KLHDC10: variants seen among roughly 807,000 people sequenced by gnomAD.
The protein encoded by KLHDC10 is kelch domain-containing protein 10.
A neutral mutation model predicts 56.1 loss-of-function variants in KLHDC10; 24 were observed. The ratio of observed to expected loss-of-function variants is 0.43; its 90% confidence interval spans 0.31 to 0.60. The LOEUF is 0.60. Among genes scored for constraint, KLHDC10 ranks in the 20% least tolerant of loss-of-function variants. KLHDC10 has a pLI of 0.11. For missense variants in KLHDC10, 349 were observed against 567.0 expected, an observed-to-expected ratio of 0.62 and a Z score of 3.91; for synonymous variants, 188 against 207.1, an observed-to-expected ratio of 0.91 and a Z score of 0.79.
At chr7:130,090,760 A>G (rs1313609710) in intron 1 of KLHDC10, among the ~76,000 whole-genome samples, 1 of 106,690 alleles carries the variant, frequency 9.4e-6, no homozygotes, top group Non-Finnish European at 2.0e-5. Flanking sequence ...TCAGTTTTAC[A>G]CATACTCGTG....
chr7:130,134,563 C>T lies in KLHDC10; in HGVS notation c.*3817C>T, dbSNP rs1213787529. 6.6e-6 allele frequency: 1 copy of T among 152,164 alleles called. No individual in the cohort carries two copies. Among genetic ancestry groups the T allele is most frequent in the Non-Finnish European group, 1.5e-5 (1 of 68,032 alleles). 9.4% of individuals were successfully genotyped at this position (152,164 alleles called of 1,614,324 possible). ...ATGGCTCTTCTATTTTCCAATCACACAGCTTGGCATGTAGGAAAGGTTGAA... is the reference window on the plus strand; with the variant it reads ...ATGGCTCTTCTATTTTCCAATCACATAGCTTGGCATGTAGGAAAGGTTGAA... On this transcript the variant is annotated 3_prime_UTR_variant, in exon 10 of 10. Coordinates refer to ENST00000335420, the MANE Select transcript of KLHDC10 (RefSeq NM_014997.4).
rs761820743 is a variant in KLHDC10, at chr7:130,097,014, G to A, written c.253+7G>A. 1.3e-6 allele frequency: 2 copies of A among 1,589,046 alleles called. No individual in the cohort carries two copies. Among genetic ancestry groups the A allele is most frequent in the Non-Finnish European group, 1.7e-6 (2 of 1,160,996 alleles). ...CCTAACAGGTTTTTGAGAGGTGGGT[G>A]ATAATTAGCAAGAGATCTGTGCTTC... On this transcript the variant is annotated splice_region_variant and intron_variant, in intron 2 of 9. Transcript: ENST00000335420.
In KLHDC10 at chr7:130,116,983, T is replaced by C. The variant is rs1039674154; in HGVS notation, c.475+317T>C. Reference sequence around the variant, plus strand: ...TGGGGCTTATGACGATGACAGTTAATAGCTGTTGAGCAAAGTACAGGCATA... The same window carrying C: ...TGGGGCTTATGACGATGACAGTTAACAGCTGTTGAGCAAAGTACAGGCATA... On this transcript the variant is annotated intron_variant, in intron 3 of 9. Transcript: ENST00000335420. The surrounding 1 kb of genome is among the most constrained non-coding windows in gnomAD (Gnocchi z 4.8). 2.6e-5 allele frequency among the ~76,000 whole-genome samples: 4 copies of C among 152,152 alleles called. No homozygotes were observed. The highest frequency in any genetic ancestry group is 9.7e-5 in the African/African-American group (4 of 41,446).
Position 130,116,270 on chromosome 7 carries a change from ATAAGAAGTATTAT to A in KLHDC10, c.254-172_254-160del, listed in dbSNP as rs1274059356. Among the ~76,000 whole-genome samples the A allele has an allele frequency of 6.6e-6, 1 of 152,262 alleles. No individual in the cohort carries two copies. Among genetic ancestry groups the A allele is most frequent in the East Asian group, 1.9e-4 (1 of 5,202 alleles). ...TTAAAATCTTAAGTAGTATATGTGC[ATAAGAAGTATTAT>A]TAGGAAGTATATCCATGTTATAAAT... is the stretch of plus-strand genomic sequence containing the variant. On this transcript the variant is annotated intron_variant, in intron 2 of 9. Transcript: ENST00000335420. This position sits in a 1 kb window ranked among gnomAD's most constrained non-coding sequence, Gnocchi z 4.8.
Position 130,130,671 on chromosome 7 carries a change from T to A in KLHDC10, c.1254T>A (p.Pro418=), listed in dbSNP as rs776824882. 1 of 1,614,074 alleles carries A rather than the reference T, an allele frequency of 6.2e-7. No homozygotes were observed. The highest frequency in any genetic ancestry group is 1.3e-5 in the African/African-American group (1 of 74,918). The part of the protein sequence containing the change: ...LAWEKLLAAF[P]NLANLSRTQL... ...GGGAGAAGCTGCTTGCGGCCTTCCC[T>A]AACCTTGCAAACCTCTCCCGAACAC... Residue 418 remains proline (P), a synonymous_variant, in exon 10 of 10, where the codon CCT becomes CCA. Transcript: ENST00000335420. The surrounding 1 kb of genome is among the most constrained non-coding windows in gnomAD (Gnocchi z 4.2).
intron 2 of KLHDC10, 134 bp downstream of exon 2, chr7:130,097,141 T>G: frequency 1.8e-6 from 1 of 565,662 alleles, no homozygotes. Context: ...AAGAAAAATC[T>G]AGAACTTAAT....
At chr7:130,073,114 AC>A (rs2116827494) in intron 1 of KLHDC10, among the ~76,000 whole-genome samples, 1 of 151,536 alleles carries the variant, frequency 6.6e-6, no homozygotes, top group South Asian at 2.1e-4. Context: ...CACATCTGTA[AC>A]CCCAGCACTT....
rs543587528 is a variant in KLHDC10 at position 130,130,196 on chromosome 7, T to A, written c.1120-341T>A. On this transcript the variant is annotated intron_variant, in intron 9 of 9. Coordinates refer to ENST00000335420, the MANE Select transcript of KLHDC10 (RefSeq NM_014997.4). The surrounding 1 kb of genome is among the most constrained non-coding windows in gnomAD (Gnocchi z 4.2). ...TTAGCCGGACGTGGTGGCGCGTGCC[T>A]GTATTCCCAGCTACTCTGGAGGCTG... Among the ~76,000 whole-genome samples, 32 of 151,840 alleles carry A rather than the reference T, an allele frequency of 2.1e-4. 1 individual carries two copies. In the South Asian group the frequency reaches 6.2e-3, roughly 30 times the overall value.
intron 1 of KLHDC10, among the ~76,000 whole-genome samples, chr7:130,074,619 CT>C (rs577941524): frequency 0.02 from 2,838 of 139,252 alleles, 54 homozygotes; most frequent in African/African-American, 0.049. Context: ...GGTTCTCTCT[CT>C]TTTTTTTTTT....
chr7:130,109,902 G>A (rs1215110470), intron 2 of KLHDC10, among the ~76,000 whole-genome samples: 1 of 152,152 alleles, frequency 6.6e-6, no homozygotes, highest in Non-Finnish European at 1.5e-5. Flanking sequence ...GCCTCCCATA[G>A]TGCTGGGATT....
chr7:130,124,800 A>G (rs1052824986), intron 6 of KLHDC10, among the ~76,000 whole-genome samples: 8 of 152,234 alleles, frequency 5.3e-5, no homozygotes, highest in Non-Finnish European at 8.8e-5. Context: ...ACTAAAAGGA[A>G]GGCATAGTAG....
At position 130,097,875 on chromosome 7, in the gene KLHDC10, G is replaced by GA. The variant is rs1203699660; in HGVS notation, c.253+874dup. Among the ~76,000 whole-genome samples, 6 of 151,962 alleles carry GA rather than the reference G, an allele frequency of 3.9e-5. No homozygotes were observed. The East Asian group carries it at 1.2e-3, about 29-fold the overall frequency. On this transcript the variant is annotated intron_variant, in intron 2 of 9. Coordinates refer to ENST00000335420, the MANE Select transcript of KLHDC10 (RefSeq NM_014997.4). ...TTTCTACTAATACATACTCCATACT[G>GA]AAAAAAGAAAATCTCAAAAGAGGGT... is the stretch of plus-strand genomic sequence containing the variant.
At chr7:130,128,889 A>AAAAAAAAAAAAAAAAATATATATATATAT in intron 8 of KLHDC10, among the ~76,000 whole-genome samples, 1 of 66,956 alleles carries the variant, frequency 1.5e-5, no homozygotes, top group Non-Finnish European at 2.8e-5. Context: ...AAAAAAAAAA[A>AAAAAAAAAAAAAAAAATATATATATATAT]ATATATATAT....
rs779221775 is a variant in KLHDC10 at position 130,124,478 on chromosome 7, G to T, written c.807G>T (p.Gly269=). ...ACCGACATGAAATTGCACATGACGG[G>T]CAGAGGATTTACATCTTGGGAGGTG... The part of the protein sequence containing the change: ...ERYRHEIAHD[G]QRIYILGGGT... Residue 269 remains glycine (G), a synonymous_variant, in exon 6 of 10, where the codon GGG becomes GGT. Transcript: ENST00000335420. 1.2e-5 allele frequency: 19 copies of T among 1,603,436 alleles called. No homozygotes were observed. Among genetic ancestry groups the T allele is most frequent in the Admixed American group, 1.7e-5 (1 of 59,900 alleles).
At chr7:130,112,351 A>C (rs1321736111) in intron 2 of KLHDC10, among the ~76,000 whole-genome samples, 3 of 152,312 alleles carry the variant, frequency 2.0e-5, no homozygotes, top group African/African-American at 7.2e-5. Flanking sequence ...CCCACATCAC[A>C]GGGACATAAT....
chr7:130,082,786 C>G (rs560901119), intron 1 of KLHDC10, among the ~76,000 whole-genome samples: 1 of 152,316 alleles, frequency 6.6e-6, no homozygotes, highest in African/African-American at 2.4e-5. Context: ...TAATTGCTAA[C>G]TCCAGTAGAT....
intron 1 of KLHDC10, among the ~76,000 whole-genome samples, chr7:130,086,649 A>T (rs181754123): frequency 8.6e-5 from 13 of 151,970 alleles, no homozygotes; most frequent in African/African-American, 2.4e-4. Context: ...TATTTTGGGG[A>T]TTGTTCTGTG....
intron 2 of KLHDC10, among the ~76,000 whole-genome samples, chr7:130,109,056 A>C (rs955074051): frequency 6.6e-6 from 1 of 151,898 alleles, no homozygotes; most frequent in African/African-American, 2.4e-5. Flanking sequence ...CTGGGACTGC[A>C]GGTGTGCGCC....
chr7:130,128,062 A>G (rs1454995191), intron 8 of KLHDC10, among the ~76,000 whole-genome samples: 1 of 152,268 alleles, frequency 6.6e-6, no homozygotes, highest in Non-Finnish European at 1.5e-5. Flanking sequence ...GAAAGCATGT[A>G]TAAATGAGTT....
Sources: allele counts gnomAD v4.1 joint callset (sites outside exome capture counted in the v4.1 genomes callset), GRCh38; gene constraint gnomAD v4.1.1; non-coding constraint Gnocchi (gnomAD v3.1); transcripts MANE v1.5; gene names NCBI Gene and HGNC (gene_info 2026-07-23, HGNC 2026-07-21).